Variants in HEPACAM2 observed in about 807,000 individuals in gnomAD.
HEPACAM2 encodes the protein HEPACAM family member 2.
A neutral mutation model predicts 49.6 loss-of-function variants in HEPACAM2; 49 were observed. The observed-to-expected ratio is 0.99, with a 90% CI of 0.78 to 1.25. The LOEUF is 1.25. Among genes scored for constraint, HEPACAM2 ranks in the 50% most tolerant of loss-of-function variants. The pLI, the probability that HEPACAM2 is intolerant of heterozygous loss-of-function variation, is 0.00. For synonymous variants in HEPACAM2, 197 were observed against 202.9 expected (o/e 0.97, Z 0.25); for missense variants, 525 against 557.2 (o/e 0.94, Z 0.58).
chr7:93,201,793 C>T (rs994048556), intron 4 of HEPACAM2, among the ~76,000 whole-genome samples: 44 of 151,958 alleles, frequency 2.9e-4, no homozygotes, highest in African/African-American at 9.7e-4. Flanking sequence ...CACATCTCCC[C>T]CTGAGAATCC....
chr7:93,203,760 A>G (rs954710521), intron 4 of HEPACAM2, among the ~76,000 whole-genome samples: 3 of 152,126 alleles, frequency 2.0e-5, no homozygotes, highest in Admixed American at 1.3e-4. Context: ...ATATGCTACC[A>G]GTCTGTGTAT....
chr7:93,198,984 C>T (rs1407928474), intron 4 of HEPACAM2, among the ~76,000 whole-genome samples: 2 of 126,702 alleles, frequency 1.6e-5, no homozygotes, highest in Non-Finnish European at 3.5e-5. Flanking sequence ...ATCATATGTG[C>T]AAAAATCGAG....
chr7:93,207,835 T>C (rs1192307348), intron 4 of HEPACAM2, among the ~76,000 whole-genome samples: 2 of 151,790 alleles, frequency 1.3e-5, no homozygotes, highest in Admixed American at 6.6e-5. Context: ...GCTTTAAAGA[T>C]ATAGATTTGG....
At chr7:93,212,572 T>C (rs1381571803) in intron 3 of HEPACAM2, among the ~76,000 whole-genome samples, 1 of 152,048 alleles carries the variant, frequency 6.6e-6, no homozygotes, top group Non-Finnish European at 1.5e-5. Context: ...GAAAGTCATT[T>C]GTAATTTTAT....
chr7:93,228,526 C>T (rs976936899), upstream of HEPACAM2, among the ~76,000 whole-genome samples: 16 of 151,672 alleles, frequency 1.1e-4, no homozygotes, highest in African/African-American at 3.9e-4. Context: ...TCAAGCTTAA[C>T]TTCAACAATT....
intron 1 of HEPACAM2, among the ~76,000 whole-genome samples, chr7:93,223,428 TACA>T (rs1180577502): frequency 3.9e-5 from 6 of 152,116 alleles, no homozygotes; most frequent in Admixed American, 3.9e-4. Flanking sequence ...AAATATTAAA[TACA>T]ATACAAATAT....
In HEPACAM2 at chr7:93,225,125, C is replaced by T. The variant is rs761333327; in HGVS notation, c.79+1243G>A. 3.6e-4 allele frequency among the ~76,000 whole-genome samples: 55 copies of T among 152,128 alleles called. 1 individual carries two copies. Among genetic ancestry groups the T allele is most frequent in the African/African-American group, 1.0e-3 (42 of 41,490 alleles). On this transcript the variant is annotated intron_variant, in intron 1 of 9. Transcript: ENST00000394468. ...TAAATTGTCTCTAAGTTCTTCTTAA[C>T]GCCAGTTTCAAAAACAACACTTATA...
intron 9 of HEPACAM2, among the ~76,000 whole-genome samples, chr7:93,189,474 TA>T (rs2116614897): frequency 6.6e-6 from 1 of 152,094 alleles, no homozygotes; most frequent in South Asian, 2.1e-4. Flanking sequence ...CTTTCGAAAC[TA>T]AAGGTTTACT....
At chr7:93,231,441 T>TG (rs1191794725), upstream of HEPACAM2, among the ~76,000 whole-genome samples, 2 of 152,240 alleles carry the variant, frequency 1.3e-5, no homozygotes, top group Non-Finnish European at 2.9e-5. Context: ...TCGCCATACC[T>TG]GCTTCGTCAT....
At chr7:93,227,283 C>T (rs894412252), upstream of HEPACAM2, among the ~76,000 whole-genome samples, 8 of 152,092 alleles carry the variant, frequency 5.3e-5, no homozygotes, top group Admixed American at 1.3e-4. Flanking sequence ...TAAGCATGTC[C>T]GCTTAATTTA....
intron 4 of HEPACAM2, among the ~76,000 whole-genome samples, chr7:93,205,156 T>C (rs899185940): frequency 6.6e-6 from 1 of 152,000 alleles, no homozygotes; most frequent in Non-Finnish European, 1.5e-5. Context: ...ACTAGCTGTG[T>C]GAACTTGCCT....
At chr7:93,227,512 G>C (rs1421348889), upstream of HEPACAM2, among the ~76,000 whole-genome samples, 1 of 152,148 alleles carries the variant, frequency 6.6e-6, no homozygotes, top group Non-Finnish European at 1.5e-5. Flanking sequence ...AGGAATGATA[G>C]TAACTTTGGA....
At chr7:93,213,539 A>AC (rs943842235) in intron 3 of HEPACAM2, among the ~76,000 whole-genome samples, 5 of 152,122 alleles carry the variant, frequency 3.3e-5, no homozygotes, top group Middle Eastern at 3.2e-3. Context: ...TAGCCTTTTT[A>AC]CAGCATCGTC....
In HEPACAM2 at chr7:93,226,332, A is replaced by ACAAACAGC. The variant is rs545026534; in HGVS notation, c.79+28_79+35dup. 2.9e-4 allele frequency: 435 copies of ACAAACAGC among 1,497,100 alleles called. 3 individuals carry two copies. The African/African-American group carries it at 5.7e-3, about 20-fold the overall frequency. 92.7% of individuals were successfully genotyped at this position (1,497,100 alleles called of 1,614,324 possible). A position where few individuals can be genotyped will look rare whatever the true frequency, so the allele number is the denominator to read the frequency against. The stretch of plus-strand genomic sequence containing the variant: ...TCCACAATTAAAAAAAAAAAACCTA[A>ACAAACAGC]CAAACAGCTAAAACACAATTCACAC... On this transcript the variant is annotated intron_variant, in intron 1 of 9. Transcript: ENST00000394468.
intron 8 of HEPACAM2, among the ~76,000 whole-genome samples, chr7:93,193,408 C>T (rs931148243): frequency 3.9e-5 from 6 of 152,144 alleles, no homozygotes; most frequent in Non-Finnish European, 7.4e-5. Flanking sequence ...TCAGGAGCTA[C>T]GGTAAAAGCA....
Position 93,219,373 on chromosome 7 carries a change from A to G in HEPACAM2, c.158T>C (p.Val53Ala). 2 of 1,614,008 alleles carry G rather than the reference A, an allele frequency of 1.2e-6. No individual in the cohort carries two copies. Among genetic ancestry groups the G allele is most frequent in the Non-Finnish European group, 1.7e-6 (2 of 1,179,950 alleles). ...GVRGQALYLPVHYGFHTPASD... is the reference protein window; with the variant it reads ...GVRGQALYLPAHYGFHTPASD... ...TGCTGGAGTGTGGAAGCCATAGTGG[A>G]CGGGTAGGTAGAGGGCCTGACCTCT... Residue 53 changes from valine (V) to alanine (A), a missense_variant, in exon 2 of 10, where the codon GTC becomes GCC. Transcript: ENST00000394468.
intron 3 of HEPACAM2, among the ~76,000 whole-genome samples, chr7:93,213,111 A>G (rs922111201): frequency 6.6e-6 from 1 of 151,912 alleles, no homozygotes; most frequent in African/African-American, 2.4e-5. Flanking sequence ...GCAGATGGTA[A>G]GTATTTACTG....
intron 4 of HEPACAM2, among the ~76,000 whole-genome samples, chr7:93,201,168 C>A (rs528950300): frequency 6.6e-6 from 1 of 152,158 alleles, no homozygotes; most frequent in African/African-American, 2.4e-5. Flanking sequence ...ATTAGAAGAC[C>A]TGCTATATAG....
At chr7:93,231,904 GC>G in the HEPACAM2 span, among the ~76,000 whole-genome samples, 1 of 152,086 alleles carries the variant, frequency 6.6e-6, no homozygotes, top group African/African-American at 2.4e-5. Flanking sequence ...AACCCAGCGC[GC>G]CCGGGGTAGT....
Sources: allele counts gnomAD v4.1 joint callset (sites outside exome capture counted in the v4.1 genomes callset), GRCh38; gene constraint gnomAD v4.1.1; transcripts MANE v1.5; gene names NCBI Gene and HGNC (gene_info 2026-07-23, HGNC 2026-07-21).